C13orf42: variants seen among roughly 807,000 people sequenced by gnomAD.
The protein encoded by C13orf42 is uncharacterized protein C13orf42.
At chr13:51,146,316 A>G (rs922255138) in intron 1 of C13orf42, among the ~76,000 whole-genome samples, 3 of 152,148 alleles carry the variant, frequency 2.0e-5, no homozygotes, top group Non-Finnish European at 2.9e-5. Context: ...CGGATTCCTT[A>G]CCCCTTTCTT....
At chr13:51,088,163 G>A (rs962579514) in intron 1 of C13orf42, 88 bp from the exon 2 acceptor site, 9 of 396,818 alleles carry the variant, frequency 2.3e-5, no homozygotes, top group African/African-American at 1.4e-4. Flanking sequence ...AAAACGAAAT[G>A]CGCGTGGGGT....
chr13:51,139,170 C>T (rs1953679233), intron 1 of C13orf42, among the ~76,000 whole-genome samples: 1 of 151,994 alleles, frequency 6.6e-6, no homozygotes, highest in Non-Finnish European at 1.5e-5. Flanking sequence ...CACAAATTAG[C>T]TGGGCATGGT....
rs953974341 is a variant in C13orf42, at chr13:51,110,880, G to T, written c.330C>A (p.Arg110=). 4 of 398,546 alleles carry T rather than the reference G, an allele frequency of 1.0e-5. No individual in the cohort carries two copies. The highest frequency in any genetic ancestry group is 6.2e-5 in the African/African-American group (3 of 48,648). The allele number at this position is 398,546 out of a possible 1,614,324, so 24.7% of individuals were successfully genotyped here. A position where few individuals can be genotyped will look rare whatever the true frequency, so the allele number is the denominator to read the frequency against. The change falls in exon 1 of 4, where the codon CGC becomes CGA. Residue 110 remains arginine, a synonymous_variant. Transcript: ENST00000563710. ...LSSFSDLKPH[R]TQGISSTSSK... ...AGGAGGTTGAGGAAATCCCCTGGGT[G>T]CGGTGGGGCTTCAGATCACTGAAGC...
chr13:51,159,901 ACT>A (rs1349606545), intron 1 of C13orf42, among the ~76,000 whole-genome samples: 28 of 152,266 alleles, frequency 1.8e-4, no homozygotes, highest in Admixed American at 1.4e-3. Context: ...GGCTAGGGAA[ACT>A]CTCACAATCA....
At chr13:51,136,560 G>A (rs1199448331) in intron 1 of C13orf42, among the ~76,000 whole-genome samples, 5 of 152,206 alleles carry the variant, frequency 3.3e-5, no homozygotes, top group Admixed American at 6.5e-5. Context: ...ATACTTCAGA[G>A]CCACCTCACT....
At chr13:51,096,479 C>T (rs1953235897) in intron 1 of C13orf42, among the ~76,000 whole-genome samples, 1 of 152,216 alleles carries the variant, frequency 6.6e-6, no homozygotes, top group South Asian at 2.1e-4. Flanking sequence ...AGAGGTTTCA[C>T]ACTTAACTTC....
At chr13:51,129,924 C>CCCA (rs1953603826) in intron 1 of C13orf42, among the ~76,000 whole-genome samples, 1 of 152,154 alleles carries the variant, frequency 6.6e-6, no homozygotes, top group Non-Finnish European at 1.5e-5. Context: ...TCTTCTATGT[C>CCCA]CTTGGGAACC....
At chr13:51,156,752 T>C (rs575919307) in intron 1 of C13orf42, among the ~76,000 whole-genome samples, 1 of 152,340 alleles carries the variant, frequency 6.6e-6, no homozygotes, top group East Asian at 1.9e-4. Context: ...TAAGGAGAGA[T>C]AAGGAATCTG....
intron 1 of C13orf42, among the ~76,000 whole-genome samples, chr13:51,137,160 C>T (rs1481791527): frequency 6.6e-6 from 1 of 152,152 alleles, no homozygotes; most frequent in Non-Finnish European, 1.5e-5. Flanking sequence ...GGAAATTAAA[C>T]AAATTATGCA....
intron 2 of C13orf42, among the ~76,000 whole-genome samples, chr13:51,087,598 C>G (rs1953142119): frequency 6.6e-6 from 1 of 152,148 alleles, no homozygotes; most frequent in Non-Finnish European, 1.5e-5. Flanking sequence ...TTCCCTATTG[C>G]TGTCCTTCTT....
chr13:51,115,481 G>A (rs1953481952), upstream of C13orf42, among the ~76,000 whole-genome samples: 1 of 152,142 alleles, frequency 6.6e-6, no homozygotes, highest in African/African-American at 2.4e-5. Flanking sequence ...ATAGTCTGTG[G>A]CACACACCTC....
chr13:51,139,190 C>G (rs1489133559), intron 1 of C13orf42, among the ~76,000 whole-genome samples: 1 of 152,104 alleles, frequency 6.6e-6, no homozygotes. Flanking sequence ...TGGCGCACAC[C>G]TGTAGTCCCA....
intron 1 of C13orf42, among the ~76,000 whole-genome samples, chr13:51,149,848 T>C (rs1259049313): frequency 6.6e-6 from 1 of 152,140 alleles, no homozygotes; most frequent in Non-Finnish European, 1.5e-5. Context: ...TAGGCAGAGT[T>C]GAGATGGTGC....
At chr13:51,144,938 A>G (rs1398331968) in intron 1 of C13orf42, among the ~76,000 whole-genome samples, 4 of 152,248 alleles carry the variant, frequency 2.6e-5, no homozygotes, top group African/African-American at 9.6e-5. Context: ...TATAATAAGC[A>G]AACCAGTCTT....
intron 1 of C13orf42, among the ~76,000 whole-genome samples, chr13:51,105,247 G>A (rs912520281): frequency 3.3e-5 from 5 of 152,204 alleles, no homozygotes; most frequent in African/African-American, 1.2e-4. Flanking sequence ...ATGCAGTTCA[G>A]GACCACACCC....
intron 1 of C13orf42, among the ~76,000 whole-genome samples, chr13:51,123,263 C>T (rs1434662294): frequency 6.6e-6 from 1 of 152,190 alleles, no homozygotes; most frequent in Non-Finnish European, 1.5e-5. Context: ...ACACAGATTT[C>T]TTTCTCAATC....
chr13:51,125,309 C>G (rs1000577420), intron 1 of C13orf42, among the ~76,000 whole-genome samples: 11 of 152,188 alleles, frequency 7.2e-5, no homozygotes, highest in African/African-American at 2.7e-4. Context: ...TAGTTTGCCC[C>G]TTTCAGCAAA....
intron 1 of C13orf42, among the ~76,000 whole-genome samples, chr13:51,095,556 C>A (rs936281954): frequency 6.6e-6 from 1 of 150,914 alleles, no homozygotes; most frequent in African/African-American, 2.4e-5. Context: ...TTAACTATAT[C>A]TTCTTTTTGT....
At chr13:51,162,887 C>T (rs1953877146) in intron 1 of C13orf42, among the ~76,000 whole-genome samples, 1 of 152,204 alleles carries the variant, frequency 6.6e-6, no homozygotes, top group Admixed American at 6.6e-5. Flanking sequence ...TTTTGCTTCC[C>T]TAGCACCGTG....
Sources: gnomAD v4.1 joint callset for allele counts (sites outside exome capture counted in the v4.1 genomes callset) on GRCh38, gnomAD v4.1.1 for gene constraint, MANE v1.5 for transcripts, NCBI Gene and HGNC (gene_info 2026-07-23, HGNC 2026-07-21) for gene names.